Variants in SSR3 observed in about 807,000 individuals in gnomAD.
SSR3 encodes the protein translocon-associated protein subunit gamma.
SSR3 carries 10 observed loss-of-function variants against 22.1 expected under a neutral mutation model. The ratio of observed to expected loss-of-function variants is 0.45; its 90% CI spans 0.28 to 0.77. The LOEUF is 0.77. SSR3 is among the 30% of genes least tolerant of loss of function. The probability of loss-of-function intolerance (pLI) is 0.13; values close to 1 mark genes in which losing one functional copy is unlikely to be tolerated. For synonymous variants in SSR3, 104 were observed against 82.5 expected, an observed-to-expected ratio of 1.26 and a Z score of -1.42; for missense variants, 181 against 220.5, an observed-to-expected ratio of 0.82 and a Z score of 1.13.
rs1299891412 is a variant in SSR3 at position 156,542,086 on chromosome 3, C to T, written c.*1117G>A. On this transcript the variant is annotated 3_prime_UTR_variant, in exon 5 of 5. Transcript: ENST00000265044. ...ACTGCTATCACCTGTGATTTCATAT[C>T]CTTTTAGCTGATATTGCTAAAGAGC... The T allele has an allele frequency of 6.6e-6, 1 of 152,170 alleles. No individual in the cohort carries two copies. The highest frequency in any genetic ancestry group is 1.5e-5 in the Non-Finnish European group (1 of 68,044). The allele number at this position is 152,170 out of a possible 1,614,324, so 9.4% of individuals were successfully genotyped here.
At position 156,544,338 on chromosome 3, in the gene SSR3, A is replaced by G; in HGVS notation, c.461T>C (p.Phe154Ser). The G allele has an allele frequency of 6.3e-7, 1 of 1,595,024 alleles. No individual in the cohort carries two copies. Among genetic ancestry groups the G allele is most frequent in the Non-Finnish European group, 8.5e-7 (1 of 1,170,712 alleles). Residue 154 changes from phenylalanine to serine, a missense_variant, in exon 4 of 5, where the codon TTC becomes TCC. Coordinates refer to ENST00000265044, the MANE Select transcript of SSR3 (RefSeq NM_007107.5). ...GGGGTTGAAGTTCTTCAATATGAAG[A>G]AGGAAGCAACAATGACCACGACCAG... ...LFLVVVIVASFFILKNFNPTV... is the reference protein window; with the variant it reads ...LFLVVVIVASSFILKNFNPTV...
intron 3 of SSR3, among the ~76,000 whole-genome samples, chr3:156,547,297 A>C (rs761959672): frequency 3.3e-5 from 5 of 152,188 alleles, no homozygotes; most frequent in Admixed American, 6.5e-5. Context: ...ACTGAGAAAG[A>C]TTCCGAGACA....
chr3:156,543,734 T>C (rs1719654091), intron 4 of SSR3, among the ~76,000 whole-genome samples: 1 of 152,206 alleles, frequency 6.6e-6, no homozygotes, highest in South Asian at 2.1e-4. Context: ...TTTCAGCAAA[T>C]CACTCCAGCA....
intron 2 of SSR3, 80 bp downstream of exon 2, chr3:156,553,575 C>A: frequency 7.0e-7 from 1 of 1,422,824 alleles, no homozygotes; most frequent in Non-Finnish European, 9.5e-7. Flanking sequence ...TTATTAAAAC[C>A]AACACACACA....
rs980660945 is a variant in SSR3 at position 156,540,268 on chromosome 3, A to ATAAT, written c.*2931_*2934dup. ...TTCAAATTATCCTTTCCAAGTTTCA[A>ATAAT]TAATATGGCAAATAGGACAACCAGT... On this transcript the variant is annotated 3_prime_UTR_variant, in exon 5 of 5. Transcript: ENST00000265044. 4 of 152,348 alleles carry ATAAT rather than the reference A, an allele frequency of 2.6e-5. No homozygotes were observed. The highest frequency in any genetic ancestry group is 6.5e-5 in the Admixed American group (1 of 15,308). The allele number at this position is 152,348 out of a possible 1,614,324, so 9.4% of individuals were successfully genotyped here.
In SSR3 at chr3:156,553,753, A is replaced by G; in HGVS notation, c.162T>C (p.Asp54=). The G allele has an allele frequency of 6.2e-7, 1 of 1,612,648 alleles. No individual in the cohort carries two copies. The highest frequency in any genetic ancestry group is 8.5e-7 in the Non-Finnish European group (1 of 1,179,500). ...IWLYWRIWHM[D]LIQSAVLYSV... ...TATACAAAACAGCAGACTGAATAAG[A>G]TCCATATGCCATATTCGCCAGTATA... is the stretch of plus-strand genomic sequence containing the variant. The change falls in exon 2 of 5, where the codon GAT becomes GAC. Residue 54 remains aspartate, a synonymous_variant. Coordinates refer to ENST00000265044, the MANE Select transcript of SSR3 (RefSeq NM_007107.5).
chr3:156,547,159 C>T (rs903546931), intron 3 of SSR3, among the ~76,000 whole-genome samples: 1 of 152,168 alleles, frequency 6.6e-6, no homozygotes, highest in African/African-American at 2.4e-5. Context: ...AATGTTCTGA[C>T]ACTCTGCACT....
At chr3:156,551,741 G>A (rs983985336) in intron 2 of SSR3, among the ~76,000 whole-genome samples, 1 of 152,130 alleles carries the variant, frequency 6.6e-6, no homozygotes, top group Non-Finnish European at 1.5e-5. Flanking sequence ...CTAACACAGG[G>A]ACAATAAAGC....
At position 156,548,924 on chromosome 3, in the gene SSR3, G is replaced by T. The variant is rs746911247; in HGVS notation, c.340C>A (p.Arg114=). The T allele has an allele frequency of 3.1e-6, 5 of 1,613,272 alleles. No individual in the cohort carries two copies. Among genetic ancestry groups the T allele is most frequent in the Non-Finnish European group, 4.2e-6 (5 of 1,179,836 alleles). ...TCAAACCTTTCATCTTTCTCCTTCC[G>T]AGACATCTTTCTATTATCAGCTTCA... ...LSEADNRKMS[R]KEKDERILWK... is the part of the protein sequence containing the mutation. The change falls in exon 3 of 5, where the codon CGG becomes AGG. Residue 114 remains arginine, a synonymous_variant. Transcript: ENST00000265044.
intron 1 of SSR3, 35 bp downstream of exon 1, chr3:156,554,922 C>G (rs372695452): frequency 6.3e-7 from 1 of 1,598,124 alleles, no homozygotes; most frequent in African/African-American, 1.3e-5. Context: ...GACTAGCCGG[C>G]GGCCTGCCTA....
rs1719376038 is a variant in SSR3, at chr3:156,540,055, A to G, written c.*3148T>C. The G allele has an allele frequency of 6.6e-6, 1 of 152,164 alleles. No individual in the cohort carries two copies. 9.4% of individuals were successfully genotyped at this position (152,164 alleles called of 1,614,324 possible). ...GTAAAATAAAAAATAAAACAATTTG[A>G]AAAAAAAGATGGTTAATGTAAAATA... is the stretch of plus-strand genomic sequence containing the variant. On this transcript the variant is annotated 3_prime_UTR_variant, in exon 5 of 5. Coordinates refer to ENST00000265044, the MANE Select transcript of SSR3 (RefSeq NM_007107.5).
In SSR3 at chr3:156,539,811, AAAG is replaced by A. The variant is rs2108442164; in HGVS notation, c.*3389_*3391del. Among the ~76,000 whole-genome samples, 1 of 152,358 alleles carries A rather than the reference AAAG, an allele frequency of 6.6e-6. No individual in the cohort carries two copies. The highest frequency in any genetic ancestry group is 2.1e-4 in the South Asian group (1 of 4,832). On this transcript the variant is annotated 3_prime_UTR_variant, in exon 5 of 5. Transcript: ENST00000265044. ...AGTGACTGGCATGCACACTGAAAAC[AAAG>A]AAATAGGGCAGGCAGGAAGGCACAG... is the stretch of plus-strand genomic sequence containing the variant.
chr3:156,548,302 C>T (rs1719831369), intron 3 of SSR3, among the ~76,000 whole-genome samples: 1 of 152,162 alleles, frequency 6.6e-6, no homozygotes. Flanking sequence ...CAGAATTGGG[C>T]AACAGGAGAA....
intron 3 of SSR3, 190 bp downstream of exon 3, chr3:156,548,715 C>A (rs1304940529): frequency 1.5e-6 from 1 of 679,588 alleles, no homozygotes; most frequent in Non-Finnish European, 2.4e-6. Flanking sequence ...TATTGTACAG[C>A]ACAGATAAAA....
At chr3:156,550,831 C>T (rs1413421981) in intron 2 of SSR3, among the ~76,000 whole-genome samples, 1 of 152,204 alleles carries the variant, frequency 6.6e-6, no homozygotes, top group Non-Finnish European at 1.5e-5. Context: ...TTATTATGTG[C>T]CAGACTCTAT....
At chr3:156,549,108 G>GAA in intron 2 of SSR3, 105 bp from the exon 3 acceptor site, 1 of 1,114,316 alleles carries the variant, frequency 9.0e-7, no homozygotes, top group Non-Finnish European at 1.2e-6. Context: ...GCAACAGAAT[G>GAA]ATATTTCACA....
chr3:156,549,002 C>G lies in SSR3; in HGVS notation c.262G>C (p.Val88Leu). The change falls in exon 3 of 5, where the codon GTA (valine) becomes CTA (leucine). Residue 88 changes from valine (V) to leucine (L), a missense_variant and splice_region_variant. Transcript: ENST00000265044. The stretch of plus-strand genomic sequence containing the variant: ...ACAGCATCCTCCCTCTTCTGTGCTA[C>G]TCTGGAAGAAAAAGAAAAAAAGAAA... Reference protein sequence around the residue: ...KNVKFVLKHKVAQKREDAVSK... With the variant: ...KNVKFVLKHKLAQKREDAVSK... 6.2e-7 allele frequency: 1 copy of G among 1,605,550 alleles called. No individual in the cohort carries two copies. The highest frequency in any genetic ancestry group is 8.5e-7 in the Non-Finnish European group (1 of 1,178,086).
chr3:156,546,228 T>C (rs935290482), intron 3 of SSR3, among the ~76,000 whole-genome samples: 2 of 152,212 alleles, frequency 1.3e-5, no homozygotes, highest in African/African-American at 4.8e-5. Context: ...AATCTGATGG[T>C]TTAAAAATGG....
chr3:156,544,203 C>G, intron 4 of SSR3, 105 bp downstream of exon 4: 1 of 1,049,094 alleles, frequency 9.5e-7, no homozygotes, highest in Non-Finnish European at 1.3e-6. Flanking sequence ...TGGACTGACT[C>G]CCAGAGCAGT....
Sources: allele counts gnomAD v4.1 joint callset (sites outside exome capture counted in the v4.1 genomes callset), GRCh38; gene constraint gnomAD v4.1.1; transcripts MANE v1.5; gene names NCBI Gene and HGNC (gene_info 2026-07-23, HGNC 2026-07-21).